The following TENM4 variants were observed in gnomAD, a reference collection of about 807,000 sequenced individuals.
The protein encoded by TENM4 is teneurin transmembrane protein 4.
TENM4 carries 82 observed loss-of-function variants against 243.3 expected under a neutral mutation model. That is an observed-to-expected ratio of 0.34 (90% CI 0.28 to 0.40). TENM4 has a LOEUF of 0.40. Ranked by LOEUF, TENM4 falls within the 10% of genes least tolerant of loss-of-function variation. The pLI, the probability that TENM4 is intolerant of heterozygous loss-of-function variation, is 1.00. For missense variants in TENM4, 3,138 were observed against 3,673.3 expected (o/e 0.85, Z 3.77); for synonymous variants, 1,412 against 1,456.3 (o/e 0.97, Z 0.69).
At chr11:78,922,552 C>A (rs1177627792) in intron 6 of TENM4, among the ~76,000 whole-genome samples, 2 of 152,178 alleles carry the variant, frequency 1.3e-5, no homozygotes, top group Non-Finnish European at 2.9e-5. Flanking sequence ...GACACAGACA[C>A]AAATATCATT....
At chr11:79,290,894 G>T (rs1396715433) in intron 2 of TENM4, among the ~76,000 whole-genome samples, 2 of 152,190 alleles carry the variant, frequency 1.3e-5, no homozygotes, top group African/African-American at 4.8e-5. Context: ...AGAAAAGCTG[G>T]CACATCCTGC....
In TENM4 at chr11:78,888,137, G is replaced by A. The variant is rs77822592; in HGVS notation, c.1084+1648C>T. On this transcript the variant is annotated intron_variant, in intron 9 of 33. Coordinates refer to ENST00000278550, the MANE Select transcript of TENM4 (RefSeq NM_001098816.3). ...CCTGGGTAGGCCTTGACCTCTCCCAGTCTGGCTGTTTCATTTATACAATGA... is the reference window on the plus strand; with the variant it reads ...CCTGGGTAGGCCTTGACCTCTCCCAATCTGGCTGTTTCATTTATACAATGA... 8.1e-3 allele frequency among the ~76,000 whole-genome samples: 1,227 copies of A among 152,344 alleles called. 7 individuals carry two copies. Among genetic ancestry groups the A allele is most frequent in the Non-Finnish European group, 0.011 (761 of 68,032 alleles).
At chr11:79,183,170 T>C (rs1863316861) in intron 3 of TENM4, among the ~76,000 whole-genome samples, 1 of 152,314 alleles carries the variant, frequency 6.6e-6, no homozygotes, top group South Asian at 2.1e-4. Context: ...TGTCTTTAAG[T>C]AGATAAATAA....
intron 1 of TENM4, among the ~76,000 whole-genome samples, chr11:79,311,012 T>C (rs1856712235): frequency 6.6e-6 from 1 of 152,232 alleles, no homozygotes; most frequent in Non-Finnish European, 1.5e-5. Context: ...TGCTTGGAGA[T>C]GAAAGTCTTC....
intron 3 of TENM4, among the ~76,000 whole-genome samples, chr11:79,159,098 GGTGACCCTCAAAGCCAT>G (rs1337436291): frequency 1.3e-5 from 2 of 152,146 alleles, no homozygotes; most frequent in Admixed American, 6.5e-5. Context: ...CTTCTGTGGT[GGTGACCCTCAAAGCCAT>G]GATTTCCAGA....
At chr11:78,704,157 G>GTGTGTATATA (rs1201390547) in intron 27 of TENM4, among the ~76,000 whole-genome samples, 3 of 70,536 alleles carry the variant, frequency 4.3e-5, no homozygotes, top group African/African-American at 1.8e-4. Flanking sequence ...ATGTATGTGT[G>GTGTGTATATA]TCTATATATA....
intron 6 of TENM4, among the ~76,000 whole-genome samples, chr11:78,951,345 T>C (rs549713930): frequency 4.6e-5 from 7 of 152,266 alleles, no homozygotes; most frequent in African/African-American, 1.7e-4. Flanking sequence ...AATGGACAGA[T>C]GAATGAATGA....
At chr11:79,363,120 T>C (rs780713370) in intron 1 of TENM4, among the ~76,000 whole-genome samples, 11 of 152,256 alleles carry the variant, frequency 7.2e-5, no homozygotes, top group Non-Finnish European at 1.3e-4. Flanking sequence ...ACTGAAAATA[T>C]ATTAAAATAA....
chr11:78,886,244 T>C (rs1855548053), intron 9 of TENM4, among the ~76,000 whole-genome samples: 1 of 152,244 alleles, frequency 6.6e-6, no homozygotes, highest in Admixed American at 6.5e-5. Context: ...TCTAATTAAA[T>C]ATCTGTGCTT....
intron 7 of TENM4, among the ~76,000 whole-genome samples, chr11:78,899,748 C>T (rs1222101836): frequency 2.0e-5 from 3 of 152,094 alleles, no homozygotes; most frequent in Admixed American, 6.5e-5. Flanking sequence ...AGCCTGGCAC[C>T]TCCCCACCCC....
At chr11:79,027,252 T>C (rs1197560834) in intron 6 of TENM4, among the ~76,000 whole-genome samples, 1 of 152,192 alleles carries the variant, frequency 6.6e-6, no homozygotes, top group Non-Finnish European at 1.5e-5. Flanking sequence ...GGGCTAGCAC[T>C]TCAACCCAAA....
chr11:78,855,270 G>C (rs911869565), intron 11 of TENM4, among the ~76,000 whole-genome samples: 1 of 152,168 alleles, frequency 6.6e-6, no homozygotes, highest in African/African-American at 2.4e-5. Context: ...ATTTGGCCTA[G>C]GAATGCCTGA....
At chr11:79,270,815 T>C (rs989035732) in intron 2 of TENM4, among the ~76,000 whole-genome samples, 3 of 152,198 alleles carry the variant, frequency 2.0e-5, no homozygotes, top group African/African-American at 7.2e-5. Flanking sequence ...GGGCAGTTAC[T>C]CAACTATACG....
intron 1 of TENM4, among the ~76,000 whole-genome samples, chr11:79,351,621 G>C (rs374132622): frequency 6.6e-6 from 1 of 152,132 alleles, no homozygotes; most frequent in African/African-American, 2.4e-5. Flanking sequence ...GCACAAGATT[G>C]CTTGAACCCA....
intron 12 of TENM4, among the ~76,000 whole-genome samples, chr11:78,818,847 A>T (rs1857663719): frequency 6.6e-6 from 1 of 152,102 alleles, no homozygotes; most frequent in Non-Finnish European, 1.5e-5. Context: ...GCTTGGATCC[A>T]AATTAAAAAT....
intron 2 of TENM4, among the ~76,000 whole-genome samples, chr11:79,264,023 A>C (rs1855841491): frequency 6.6e-6 from 1 of 152,220 alleles, no homozygotes; most frequent in Non-Finnish European, 1.5e-5. Flanking sequence ...ATCTAGAGTC[A>C]ACTGTAGTAT....
intron 1 of TENM4, among the ~76,000 whole-genome samples, chr11:79,372,260 T>C (rs1016973843): frequency 2.0e-5 from 3 of 152,192 alleles, no homozygotes; most frequent in Non-Finnish European, 4.4e-5. Flanking sequence ...GGGTTTACAA[T>C]ACAGTCAAGA....
At chr11:79,184,283 C>T (rs77206567) in intron 3 of TENM4, among the ~76,000 whole-genome samples, 9,574 of 152,094 alleles carry the variant, frequency 0.063, 777 homozygotes, top group East Asian at 0.41. Flanking sequence ...CCACAGATAG[C>T]GGAGGAGGAT....
At chr11:79,241,395 C>T (rs1241562940) in intron 2 of TENM4, among the ~76,000 whole-genome samples, 1 of 151,964 alleles carries the variant, frequency 6.6e-6, no homozygotes, top group African/African-American at 2.4e-5. Context: ...CATCCTGTAG[C>T]CTGTGTGTTG....
Sources: allele counts gnomAD v4.1 joint callset (sites outside exome capture counted in the v4.1 genomes callset), GRCh38; gene constraint gnomAD v4.1.1; transcripts MANE v1.5; gene names NCBI Gene and HGNC (gene_info 2026-07-23, HGNC 2026-07-21).